MCTP2: variants seen among roughly 807,000 people sequenced by gnomAD.
MCTP2 encodes the protein multiple C2 and transmembrane domain containing 2.
In MCTP2, 132 loss-of-function variants were observed where a neutral mutation model predicts 111.6. The ratio of observed to expected loss-of-function variants is 1.18; its 90% confidence interval spans 1.03 to 1.37. The LOEUF (loss-of-function observed/expected upper bound fraction) is 1.37, where lower values mean the gene tolerates loss of function less well. Ranked by LOEUF, MCTP2 falls within the 40% of genes most tolerant of loss-of-function variation. MCTP2 has a pLI of 0.00. For missense variants in MCTP2, 1,183 were observed against 1,067.9 expected (o/e 1.11, Z -1.50); for synonymous variants, 395 against 387.7 (o/e 1.02, Z -0.22).
chr15:94,243,652 TAC>T lies in MCTP2; in HGVS notation c.-66+11992_-66+11993del, dbSNP rs936721502. 1.1e-3 allele frequency among the ~76,000 whole-genome samples: 159 copies of T among 149,282 alleles called. 1 individual carries two copies. Among genetic ancestry groups the T allele is most frequent in the Non-Finnish European group, 4.6e-4 (31 of 67,048 alleles). ...ATATGCGTATATACATATATATGTA[TAC>T]ACATATGCGTATATATACACATATA... On this transcript the variant is annotated intron_variant, in intron 1 of 22. Coordinates refer to ENST00000357742, the MANE Select transcript of MCTP2 (RefSeq NM_001385001.1).
At chr15:94,341,360 C>T (rs2077630747) in intron 7 of MCTP2, 1 of 153,548 alleles carries the variant, frequency 6.5e-6, no homozygotes, top group Non-Finnish European at 1.4e-5. Flanking sequence ...GATTGGGACT[C>T]TTCTTTTGAG....
chr15:94,477,781 T>G (rs534779360), intron 22 of MCTP2, among the ~76,000 whole-genome samples: 1 of 152,312 alleles, frequency 6.6e-6, no homozygotes, highest in Admixed American at 6.5e-5. Context: ...GATGCTATCT[T>G]CCTTTAAAAT....
intron 11 of MCTP2, among the ~76,000 whole-genome samples, chr15:94,368,825 T>G (rs1161744232): frequency 6.6e-6 from 1 of 152,192 alleles, no homozygotes; most frequent in African/African-American, 2.4e-5. Context: ...TTTTGTGTGT[T>G]TATAAAGGAA....
chr15:94,243,625 G>C (rs1455016688), intron 1 of MCTP2, among the ~76,000 whole-genome samples: 1 of 147,784 alleles, frequency 6.8e-6, no homozygotes, highest in Non-Finnish European at 1.5e-5. Flanking sequence ...GTGTATATAC[G>C]CATATGCGTA....
chr15:94,390,090 G>GTATATATATATATA (rs1168909587), intron 14 of MCTP2, among the ~76,000 whole-genome samples: 1 of 64,924 alleles, frequency 1.5e-5, no homozygotes, highest in Non-Finnish European at 3.7e-5. Context: ...ATATATATAT[G>GTATATATATATATA]TATATATATA....
chr15:94,463,747 C>A (rs2085354892), intron 20 of MCTP2, among the ~76,000 whole-genome samples: 1 of 152,058 alleles, frequency 6.6e-6, no homozygotes. Context: ...AAAGGAAGTT[C>A]CCTTTTTATT....
chr15:94,452,060 TGATCACCAAG>T (rs1412842642), intron 19 of MCTP2, among the ~76,000 whole-genome samples: 42 of 152,286 alleles, frequency 2.8e-4, no homozygotes, highest in Admixed American at 5.2e-4. Flanking sequence ...GAACTTGCCA[TGATCACCAAG>T]CTAGTAGATG....
chr15:94,260,188 C>T (rs1471606409), intron 1 of MCTP2, among the ~76,000 whole-genome samples: 1 of 152,190 alleles, frequency 6.6e-6, no homozygotes, highest in African/African-American at 2.4e-5. Flanking sequence ...GAAACTTCTC[C>T]TGTTCCTCAG....
intron 4 of MCTP2, among the ~76,000 whole-genome samples, chr15:94,330,871 A>G (rs777546713): frequency 2.7e-5 from 4 of 150,068 alleles, no homozygotes; most frequent in Non-Finnish European, 5.9e-5. Flanking sequence ...AGTAGCTGGG[A>G]CAAAAGCTGC....
In MCTP2 at chr15:94,236,621, T is replaced by C. The variant is rs1339303744; in HGVS notation, c.-66+4957T>C. On this transcript the variant is annotated intron_variant, in intron 1 of 22. Coordinates refer to ENST00000357742, the MANE Select transcript of MCTP2 (RefSeq NM_001385001.1). ...AATTCTGAGAATGCCAGCTGTGTCATCTATGCATGCGTTCATTCATTCATG... is the reference window on the plus strand; with the variant it reads ...AATTCTGAGAATGCCAGCTGTGTCACCTATGCATGCGTTCATTCATTCATG... 2.6e-5 allele frequency among the ~76,000 whole-genome samples: 4 copies of C among 152,118 alleles called. No individual in the cohort carries two copies. In the East Asian group the frequency reaches 7.7e-4, roughly 29 times the overall value.
intron 8 of MCTP2, among the ~76,000 whole-genome samples, chr15:94,354,297 CT>C (rs971030650): frequency 6.6e-6 from 1 of 152,104 alleles, no homozygotes; most frequent in African/African-American, 2.4e-5. Flanking sequence ...TATGGTTAGA[CT>C]TTGTGTCCCC....
At position 94,437,785 on chromosome 15, in the gene MCTP2, G is replaced by A. The variant is rs117652132; in HGVS notation, c.2086-2391G>A. Among the ~76,000 whole-genome samples, 520 of 152,036 alleles carry A rather than the reference G, an allele frequency of 3.4e-3. 3 individuals are homozygous for A. Among genetic ancestry groups the A allele is most frequent in the Non-Finnish European group, 4.5e-3 (305 of 67,884 alleles). On this transcript the variant is annotated intron_variant, in intron 17 of 22. Coordinates refer to ENST00000357742, the MANE Select transcript of MCTP2 (RefSeq NM_001385001.1). ...TAAAATATAGGAAAATATATCAATG[G>A]AGAACTGAGAGGGCTCAGAAACAAT...
intron 21 of MCTP2, among the ~76,000 whole-genome samples, chr15:94,471,503 C>A (rs1486862476): frequency 6.6e-6 from 1 of 152,062 alleles, no homozygotes; most frequent in Non-Finnish European, 1.5e-5. Context: ...AGGAAAAAGT[C>A]ACGGGAAAAA....
At chr15:94,345,270 G>A in intron 8 of MCTP2, 106 bp downstream of exon 8, 1 of 1,138,386 alleles carries the variant, frequency 8.8e-7, no homozygotes, top group Non-Finnish European at 1.3e-6. Context: ...ACATCAAACA[G>A]AATTCTTTTC....
intron 1 of MCTP2, among the ~76,000 whole-genome samples, chr15:94,269,442 A>T (rs2073788921): frequency 6.6e-6 from 1 of 152,164 alleles, no homozygotes; most frequent in Non-Finnish European, 1.5e-5. Context: ...AATAGAGTAG[A>T]TTTGTCTTTA....
intron 1 of MCTP2, among the ~76,000 whole-genome samples, chr15:94,282,715 T>C (rs1356048383): frequency 1.3e-5 from 2 of 152,226 alleles, no homozygotes; most frequent in Non-Finnish European, 2.9e-5. Context: ...ATGGGGCTTT[T>C]TGCTTTTATA....
intron 17 of MCTP2, among the ~76,000 whole-genome samples, chr15:94,423,380 A>G (rs1245486669): frequency 6.6e-6 from 1 of 152,202 alleles, no homozygotes; most frequent in Admixed American, 6.5e-5. Context: ...TCCAAAGTGA[A>G]TATTTTCTAC....
At chr15:94,407,143 T>C (rs939017891) in intron 17 of MCTP2, among the ~76,000 whole-genome samples, 1 of 152,188 alleles carries the variant, frequency 6.6e-6, no homozygotes, top group Non-Finnish European at 1.5e-5. Context: ...GACATACTTA[T>C]ATTTTATAAA....
intron 4 of MCTP2, among the ~76,000 whole-genome samples, chr15:94,326,818 A>AC (rs1278463635): frequency 0.043 from 1,938 of 45,330 alleles, 169 homozygotes; most frequent in African/African-American, 0.11. Context: ...TCCCCGCCCC[A>AC]CCCCCCCCCA....
Sources: allele counts gnomAD v4.1 joint callset (sites outside exome capture counted in the v4.1 genomes callset), GRCh38; gene constraint gnomAD v4.1.1; transcripts MANE v1.5; gene names NCBI Gene and HGNC (gene_info 2026-07-23, HGNC 2026-07-21).